KCNH1: variants seen among roughly 807,000 people sequenced by gnomAD.
The protein encoded by KCNH1 is voltage-gated delayed rectifier potassium channel KCNH1.
Under a neutral mutation model 69.2 loss-of-function variants are expected in KCNH1, and 27 were observed. That is an observed-to-expected ratio of 0.39 (90% CI 0.29 to 0.54). KCNH1 has a LOEUF of 0.54. KCNH1 is among the 20% of genes least tolerant of loss of function. The pLI is 0.68. For synonymous variants in KCNH1, 456 were observed against 487.7 expected (o/e 0.93, Z 0.86); for missense variants, 798 against 1,261.6 (o/e 0.63, Z 5.57).
intron 1 of KCNH1, among the ~76,000 whole-genome samples, chr1:211,126,217 T>C (rs1248575496): frequency 1.3e-5 from 2 of 151,626 alleles, no homozygotes; most frequent in African/African-American, 4.9e-5. Flanking sequence ...AATACAAAAA[T>C]TAGCTGTGTA....
intron 7 of KCNH1, among the ~76,000 whole-genome samples, chr1:210,902,828 A>G (rs928577290): frequency 3.3e-5 from 5 of 152,226 alleles, no homozygotes; most frequent in East Asian, 3.9e-4. Flanking sequence ...TCTCCACTAA[A>G]ATAATACAAA....
chr1:211,087,826 G>A (rs1690984464), intron 4 of KCNH1, among the ~76,000 whole-genome samples: 1 of 152,126 alleles, frequency 6.6e-6, no homozygotes, highest in African/African-American at 2.4e-5. Context: ...TAAAAAGGAT[G>A]GTGAGAACTG....
chr1:210,872,613 A>T (rs1686277758), intron 7 of KCNH1, among the ~76,000 whole-genome samples: 1 of 152,128 alleles, frequency 6.6e-6, no homozygotes, highest in Non-Finnish European at 1.5e-5. Context: ...ATCATGGCAA[A>T]AGGTAAAGGG....
At chr1:210,798,131 C>T (rs1684357254) in intron 8 of KCNH1, among the ~76,000 whole-genome samples, 1 of 151,604 alleles carries the variant, frequency 6.6e-6, no homozygotes, top group African/African-American at 2.4e-5. Context: ...GCTCCGCCTC[C>T]CAGGTTCACG....
chr1:210,791,162 G>T (rs919762280), intron 9 of KCNH1, among the ~76,000 whole-genome samples: 3 of 152,140 alleles, frequency 2.0e-5, no homozygotes, highest in Non-Finnish European at 4.4e-5. Context: ...TGAAGAATTG[G>T]TCATTTCTTG....
At chr1:210,967,584 C>T (rs1208014095) in intron 6 of KCNH1, among the ~76,000 whole-genome samples, 3 of 152,058 alleles carry the variant, frequency 2.0e-5, no homozygotes. Flanking sequence ...TGTGATGCTA[C>T]CTTTATTCTT....
Position 210,846,960 on chromosome 1 carries a change from A to C in KCNH1, c.1463-42794T>G, listed in dbSNP as rs529932826. Reference sequence around the variant, plus strand: ...TTCTCAAAAGAAGACATTTATGCAGACAAAAAACACGTGAAAAAATGCTCA... The same window carrying C: ...TTCTCAAAAGAAGACATTTATGCAGCCAAAAAACACGTGAAAAAATGCTCA... On this transcript the variant is annotated intron_variant, in intron 7 of 10. Transcript: ENST00000271751. Among the ~76,000 whole-genome samples the C allele has an allele frequency of 2.0e-3, 307 of 152,326 alleles. 2 individuals are homozygous for C. The highest frequency in any genetic ancestry group is 1.3e-3 in the Non-Finnish European group (90 of 68,028).
chr1:210,825,026 GTTT>G (rs1465446093), intron 7 of KCNH1, among the ~76,000 whole-genome samples: 1 of 152,100 alleles, frequency 6.6e-6, no homozygotes, highest in Non-Finnish European at 1.5e-5. Flanking sequence ...GCAGATAACA[GTTT>G]TTCATCACTC....
chr1:210,719,836 A>G (rs1219809218), intron 10 of KCNH1, among the ~76,000 whole-genome samples: 3 of 152,192 alleles, frequency 2.0e-5, no homozygotes, highest in African/African-American at 7.2e-5. Flanking sequence ...GTAAATTTGG[A>G]AAACAATCCG....
At chr1:210,904,795 CATT>C (rs1427322713) in intron 7 of KCNH1, among the ~76,000 whole-genome samples, 1 of 152,204 alleles carries the variant, frequency 6.6e-6, no homozygotes, top group Non-Finnish European at 1.5e-5. Flanking sequence ...ATTCCACAGA[CATT>C]ATATCTAAGC....
chr1:211,079,140 C>T (rs1289401394), intron 5 of KCNH1, among the ~76,000 whole-genome samples: 1 of 152,012 alleles, frequency 6.6e-6, no homozygotes, highest in Non-Finnish European at 1.5e-5. Context: ...GGGTTATCAC[C>T]ACCAATCCCA....
At chr1:210,961,688 A>C (rs1558542692) in intron 6 of KCNH1, among the ~76,000 whole-genome samples, 1 of 152,060 alleles carries the variant, frequency 6.6e-6, no homozygotes, top group Non-Finnish European at 1.5e-5. Flanking sequence ...TAAAAATAAA[A>C]AATTAGCCAG....
intron 6 of KCNH1, among the ~76,000 whole-genome samples, chr1:210,964,637 G>A (rs1306323644): frequency 6.6e-6 from 1 of 152,064 alleles, no homozygotes; most frequent in Non-Finnish European, 1.5e-5. Flanking sequence ...AAAAGTCCAG[G>A]ATCTGACAGA....
At chr1:210,768,589 G>A (rs947945069) in intron 10 of KCNH1, among the ~76,000 whole-genome samples, 12 of 152,190 alleles carry the variant, frequency 7.9e-5, no homozygotes, top group African/African-American at 2.2e-4. Flanking sequence ...TGGGGTAGGC[G>A]ATGTAGATCC....
At chr1:210,871,190 C>A (rs1686234579) in intron 7 of KCNH1, among the ~76,000 whole-genome samples, 1 of 152,042 alleles carries the variant, frequency 6.6e-6, no homozygotes, top group South Asian at 2.1e-4. Flanking sequence ...ACAATGAATG[C>A]AAACAAATTT....
chr1:210,822,372 G>C (rs1012724314), intron 7 of KCNH1, among the ~76,000 whole-genome samples: 1 of 152,072 alleles, frequency 6.6e-6, no homozygotes. Flanking sequence ...CCTTATACCA[G>C]GCTAAGACAC....
intron 7 of KCNH1, among the ~76,000 whole-genome samples, chr1:210,885,723 A>G (rs1686589654): frequency 1.3e-5 from 2 of 152,106 alleles, no homozygotes; most frequent in South Asian, 4.1e-4. Flanking sequence ...GGCGTCCACC[A>G]TTACTGAGCC....
intron 10 of KCNH1, among the ~76,000 whole-genome samples, chr1:210,727,853 C>T (rs1682642162): frequency 6.6e-6 from 1 of 152,196 alleles, no homozygotes; most frequent in South Asian, 2.1e-4. Flanking sequence ...AAGCACATCT[C>T]CTGTCTCTGC....
intron 6 of KCNH1, among the ~76,000 whole-genome samples, chr1:210,942,499 T>TA (rs1687893089): frequency 6.6e-6 from 1 of 151,958 alleles, no homozygotes; most frequent in South Asian, 2.1e-4. Context: ...AAAATCAAGC[T>TA]AAAAAAGAAA....
Sources: allele counts gnomAD v4.1 joint callset (sites outside exome capture counted in the v4.1 genomes callset), GRCh38; gene constraint gnomAD v4.1.1; transcripts MANE v1.5; gene names NCBI Gene and HGNC (gene_info 2026-07-23, HGNC 2026-07-21).